EXOC4: variants seen among roughly 807,000 people sequenced by gnomAD.
The protein encoded by EXOC4 is exocyst complex component 4, also known as SEC8-like 1.
EXOC4 carries 71 observed loss-of-function variants against 107.2 expected under a neutral mutation model. The observed-to-expected ratio is 0.66, with a 90% CI of 0.55 to 0.81. The LOEUF is 0.81. Ranked by LOEUF, EXOC4 falls within the 30% of genes least tolerant of loss-of-function variation. EXOC4 has a pLI of 0.00. For synonymous variants in EXOC4, 456 were observed against 441.2 expected (o/e 1.03, Z -0.42); for missense variants, 1,108 against 1,189.6 (o/e 0.93, Z 1.01).
chr7:134,075,114 C>T, the EXOC4 span, among the ~76,000 whole-genome samples: 1 of 152,294 alleles, frequency 6.6e-6, no homozygotes, highest in Non-Finnish European at 1.5e-5. Flanking sequence ...TAGCAGGAGG[C>T]CTGGCACATT....
intron 11 of EXOC4, among the ~76,000 whole-genome samples, chr7:133,826,832 CA>C (rs751423280): frequency 6.6e-6 from 1 of 152,008 alleles, no homozygotes; most frequent in African/African-American, 2.4e-5. Flanking sequence ...TTTAAATATA[CA>C]AAAAATCAAG....
Position 133,647,351 on chromosome 7 carries a change from T to C in EXOC4, c.1514+17210T>C, listed in dbSNP as rs567665065. Among the ~76,000 whole-genome samples the C allele has an allele frequency of 2.6e-5, 4 of 152,220 alleles. No individual in the cohort carries two copies. The South Asian group carries it at 8.3e-4, about 32-fold the overall frequency. ...CACAATCAACTCAAATAAATAATAA[T>C]AAGAGCTAAAATGATTGAGCCCTAG... On this transcript the variant is annotated intron_variant, in intron 10 of 17. Coordinates refer to ENST00000253861, the MANE Select transcript of EXOC4 (RefSeq NM_021807.4).
intron 11 of EXOC4, among the ~76,000 whole-genome samples, chr7:133,850,638 C>T (rs1798222060): frequency 6.6e-6 from 1 of 150,484 alleles, no homozygotes; most frequent in African/African-American, 2.4e-5. Context: ...TAGGTTACCC[C>T]CCCACACACA....
intron 10 of EXOC4, among the ~76,000 whole-genome samples, chr7:133,663,621 T>C (rs1793747703): frequency 6.6e-6 from 1 of 152,144 alleles, no homozygotes; most frequent in Non-Finnish European, 1.5e-5. Context: ...CAGACCAGAA[T>C]CCCAGGAGTA....
intron 5 of EXOC4, among the ~76,000 whole-genome samples, chr7:133,338,748 CTTTTTTTT>C (rs67620822): frequency 4.6e-5 from 4 of 87,066 alleles, no homozygotes; most frequent in Non-Finnish European, 7.0e-5. Flanking sequence ...ATGGTGTAGT[CTTTTTTTT>C]TTTTTTTTTT....
At chr7:133,734,366 A>G (rs1181726308) in intron 10 of EXOC4, among the ~76,000 whole-genome samples, 1 of 152,142 alleles carries the variant, frequency 6.6e-6, no homozygotes, top group Non-Finnish European at 1.5e-5. Context: ...TTTCCATTTT[A>G]CTTAAACAGG....
At chr7:133,266,352 G>A (rs1283846110) in intron 1 of EXOC4, among the ~76,000 whole-genome samples, 1 of 152,148 alleles carries the variant, frequency 6.6e-6, no homozygotes, top group East Asian at 1.9e-4. Flanking sequence ...GAGAGTCAGA[G>A]ATTCAACATT....
At chr7:133,346,780 T>G (rs1315946181) in intron 5 of EXOC4, among the ~76,000 whole-genome samples, 5 of 152,212 alleles carry the variant, frequency 3.3e-5, no homozygotes, top group African/African-American at 1.2e-4. Context: ...TTACGTAGAT[T>G]GAAATCATAT....
At chr7:133,781,295 G>A (rs1262328803) in intron 10 of EXOC4, among the ~76,000 whole-genome samples, 1 of 152,196 alleles carries the variant, frequency 6.6e-6, no homozygotes, top group Non-Finnish European at 1.5e-5. Flanking sequence ...TGAAACTCAA[G>A]ATCAGACCAG....
chr7:133,917,870 T>A (rs1799846373), intron 13 of EXOC4, 132 bp downstream of exon 13: 1 of 858,676 alleles, frequency 1.2e-6, no homozygotes, highest in African/African-American at 1.7e-5. Flanking sequence ...GTAAAATATG[T>A]TTTCCTCCTG....
chr7:133,994,046 G>A (rs1235899193), intron 14 of EXOC4, among the ~76,000 whole-genome samples: 2 of 152,186 alleles, frequency 1.3e-5, no homozygotes, highest in Non-Finnish European at 2.9e-5. Context: ...AAAGACCAAT[G>A]TTCAGCTTCC....
intron 13 of EXOC4, among the ~76,000 whole-genome samples, chr7:133,931,308 T>G (rs374206376): frequency 0.032 from 4,779 of 151,474 alleles, 267 homozygotes; most frequent in African/African-American, 0.11. Context: ...AATAAATACT[T>G]GTTGAATGAA....
intron 9 of EXOC4, among the ~76,000 whole-genome samples, chr7:133,599,218 A>C (rs1392385123): frequency 1.3e-5 from 2 of 152,202 alleles, no homozygotes; most frequent in Non-Finnish European, 2.9e-5. Context: ...CCCACGTTAT[A>C]GTTCCATTGG....
At chr7:133,437,047 A>G (rs1797992554) in intron 7 of EXOC4, among the ~76,000 whole-genome samples, 1 of 152,074 alleles carries the variant, frequency 6.6e-6, no homozygotes, top group African/African-American at 2.4e-5. Flanking sequence ...TCATTAAGAT[A>G]TATTATGGTC....
chr7:133,577,403 A>C (rs1801156407), intron 9 of EXOC4, among the ~76,000 whole-genome samples: 1 of 152,190 alleles, frequency 6.6e-6, no homozygotes, highest in Non-Finnish European at 1.5e-5. Context: ...TCTTCTAATA[A>C]CTATTTCTAA....
intron 9 of EXOC4, among the ~76,000 whole-genome samples, chr7:133,519,772 G>A (rs566356568): frequency 1.3e-5 from 2 of 152,304 alleles, no homozygotes; most frequent in African/African-American, 4.8e-5. Flanking sequence ...CCGTTAGGAA[G>A]TTTTCAGATG....
chr7:134,100,728 G>A, the EXOC4 span, among the ~76,000 whole-genome samples: 3 of 130,056 alleles, frequency 2.3e-5, no homozygotes, highest in African/African-American at 8.0e-5. Context: ...GGTAGATCAC[G>A]AGGTCAAGAG....
intron 9 of EXOC4, among the ~76,000 whole-genome samples, chr7:133,594,493 C>CTTTTTTTTTTTTTTTTTTTTTTTT (rs532692119): frequency 1.1e-5 from 1 of 90,356 alleles, no homozygotes; most frequent in Non-Finnish European, 2.0e-5. Context: ...AAGCTTGAGT[C>CTTTTTTTTTTTTTTTTTTTTTTTT]TTTTTTTTTT....
intron 5 of EXOC4, among the ~76,000 whole-genome samples, chr7:133,348,106 G>A (rs1028314872): frequency 6.6e-6 from 1 of 152,056 alleles, no homozygotes; most frequent in Admixed American, 6.5e-5. Flanking sequence ...AATTATTTTT[G>A]TGCAGGGCTT....
Sources: gnomAD v4.1 joint callset for allele counts (sites outside exome capture counted in the v4.1 genomes callset) on GRCh38, gnomAD v4.1.1 for gene constraint, MANE v1.5 for transcripts, NCBI Gene and HGNC (gene_info 2026-07-23, HGNC 2026-07-21) for gene names.